FHIT: variants seen among roughly 807,000 people sequenced by gnomAD.
FHIT encodes the protein fragile histidine triad diadenosine triphosphatase.
FHIT carries 19 observed loss-of-function variants against 17.9 expected under a neutral mutation model. The observed-to-expected ratio is 1.06, with a 90% CI of 0.74 to 1.56. The LOEUF (loss-of-function observed/expected upper bound fraction) is 1.56, where lower values mean the gene tolerates loss of function less well. FHIT is among the 40% of genes most tolerant of loss of function. FHIT has a pLI of 0.00. For missense variants in FHIT, 248 were observed against 189.2 expected (o/e 1.31, Z -1.82); for synonymous variants, 81 against 69.7 (o/e 1.16, Z -0.81).
chr3:60,835,066 G>C (rs1702486867), intron 3 of FHIT, among the ~76,000 whole-genome samples: 1 of 152,020 alleles, frequency 6.6e-6, no homozygotes, highest in Non-Finnish European at 1.5e-5. Context: ...TCTAAAAGAA[G>C]GGTTCTTTAT....
At chr3:60,724,665 T>G (rs556429350) in intron 4 of FHIT, among the ~76,000 whole-genome samples, 11 of 149,964 alleles carry the variant, frequency 7.3e-5, no homozygotes, top group South Asian at 2.1e-4. Flanking sequence ...TTTTTGTTTT[T>G]TTTTTTTTTG....
chr3:60,151,275 T>C (rs752336506), intron 5 of FHIT, among the ~76,000 whole-genome samples: 3 of 152,208 alleles, frequency 2.0e-5, no homozygotes, highest in South Asian at 2.1e-4. Flanking sequence ...GATATGACTT[T>C]ATCATATCAG....
At chr3:60,714,849 G>A (rs1201153435) in intron 4 of FHIT, among the ~76,000 whole-genome samples, 1 of 152,140 alleles carries the variant, frequency 6.6e-6, no homozygotes, top group Non-Finnish European at 1.5e-5. Flanking sequence ...CATGAAAATG[G>A]CCATACTGCC....
chr3:60,754,723 T>G (rs2042539428), intron 4 of FHIT, among the ~76,000 whole-genome samples: 1 of 152,166 alleles, frequency 6.6e-6, no homozygotes, highest in South Asian at 2.1e-4. Flanking sequence ...GTGGCAAATC[T>G]GAATCTTTGC....
At chr3:60,073,936 A>G (rs1576035498) in intron 5 of FHIT, among the ~76,000 whole-genome samples, 1 of 152,140 alleles carries the variant, frequency 6.6e-6, no homozygotes, top group Non-Finnish European at 1.5e-5. Context: ...TTCAGTAAAT[A>G]TTCACTCTCT....
At chr3:60,144,465 C>T (rs1370257646) in intron 5 of FHIT, among the ~76,000 whole-genome samples, 1 of 152,114 alleles carries the variant, frequency 6.6e-6, no homozygotes, top group Non-Finnish European at 1.5e-5. Context: ...AGGGACCTGG[C>T]TATAGTTACA....
intron 7 of FHIT, among the ~76,000 whole-genome samples, chr3:59,947,944 T>G (rs1329051639): frequency 2.0e-5 from 3 of 152,138 alleles, no homozygotes; most frequent in Non-Finnish European, 4.4e-5. Flanking sequence ...TTAATGCCCT[T>G]GAGATCCATA....
intron 7 of FHIT, among the ~76,000 whole-genome samples, chr3:59,997,264 T>C (rs890455629): frequency 6.6e-6 from 1 of 152,088 alleles, no homozygotes; most frequent in East Asian, 1.9e-4. Flanking sequence ...AAAGGGAAAG[T>C]AATACATTTT....
chr3:59,926,827 C>A (rs1318023034), intron 7 of FHIT, among the ~76,000 whole-genome samples: 1 of 152,188 alleles, frequency 6.6e-6, no homozygotes, highest in East Asian at 1.9e-4. Context: ...CACACAATAA[C>A]AAGCGTTGGC....
intron 3 of FHIT, among the ~76,000 whole-genome samples, chr3:60,861,650 A>G (rs1286762989): frequency 6.6e-6 from 1 of 152,086 alleles, no homozygotes; most frequent in Non-Finnish European, 1.5e-5. Flanking sequence ...AATCACTGCA[A>G]AAGGACTCAA....
intron 2 of FHIT, among the ~76,000 whole-genome samples, chr3:61,116,689 G>C (rs9856646): frequency 0.016 from 2,453 of 151,542 alleles, 57 homozygotes; most frequent in African/African-American, 0.056. Context: ...AACACAGAAA[G>C]TTAAAGTATC....
chr3:60,425,190 C>T (rs1702617778), intron 5 of FHIT, among the ~76,000 whole-genome samples: 2 of 152,250 alleles, frequency 1.3e-5, no homozygotes, highest in South Asian at 4.1e-4. Flanking sequence ...AAATGTCATC[C>T]TGCAGTGGAA....
chr3:61,160,755 G>C (rs992057960), intron 2 of FHIT, among the ~76,000 whole-genome samples: 1 of 152,062 alleles, frequency 6.6e-6, no homozygotes, highest in Non-Finnish European at 1.5e-5. Flanking sequence ...GTAAAGAATG[G>C]GCTATTTCTC....
chr3:61,212,823 C>A (rs1038641799), intron 1 of FHIT, among the ~76,000 whole-genome samples: 2 of 152,180 alleles, frequency 1.3e-5, no homozygotes, highest in South Asian at 2.1e-4. Context: ...ATTCTACAAG[C>A]CAGAAGAGAG....
chr3:60,127,019 C>G lies in FHIT; in HGVS notation c.104-112867G>C, dbSNP rs138705906. On this transcript the variant is annotated intron_variant, in intron 5 of 9. Coordinates refer to ENST00000492590, the MANE Select transcript of FHIT (RefSeq NM_002012.4). ...ATGCAGGCAAGCAAGGGAGAGAGCC[C>G]TTGGACACTCTTCTCTAGTATTCTA... Among the ~76,000 whole-genome samples the G allele has an allele frequency of 2.3e-3, 354 of 152,274 alleles. 1 individual carries two copies. The highest frequency in any genetic ancestry group is 8.0e-3 in the African/African-American group (331 of 41,570).
At chr3:60,828,051 G>T (rs1214551074) in intron 3 of FHIT, among the ~76,000 whole-genome samples, 4 of 152,120 alleles carry the variant, frequency 2.6e-5, no homozygotes, top group East Asian at 1.9e-4. Flanking sequence ...AACCAAATAG[G>T]TGCATGATTG....
At chr3:59,872,138 G>A (rs368481484) in intron 8 of FHIT, among the ~76,000 whole-genome samples, 4 of 152,230 alleles carry the variant, frequency 2.6e-5, no homozygotes, top group South Asian at 4.2e-4. Flanking sequence ...TTCCTTCATG[G>A]GGGTCTCCTC....
At chr3:61,100,016 T>C (rs528446464) in intron 2 of FHIT, among the ~76,000 whole-genome samples, 1 of 152,252 alleles carries the variant, frequency 6.6e-6, no homozygotes, top group East Asian at 1.9e-4. Context: ...TGTCATATTG[T>C]GGTTTTGATT....
At chr3:61,166,758 A>G (rs897546120) in intron 2 of FHIT, among the ~76,000 whole-genome samples, 9 of 152,202 alleles carry the variant, frequency 5.9e-5, no homozygotes, top group African/African-American at 2.2e-4. Context: ...TCTAGCACTG[A>G]GTGTTCATAA....
Sources: allele counts gnomAD v4.1 joint callset (sites outside exome capture counted in the v4.1 genomes callset), GRCh38; gene constraint gnomAD v4.1.1; transcripts MANE v1.5; gene names NCBI Gene and HGNC (gene_info 2026-07-23, HGNC 2026-07-21).